The following DMXL1 variants were observed in gnomAD, a reference collection of about 807,000 sequenced individuals.
DMXL1 encodes the protein dmX-like protein 1.
Under a neutral mutation model 319.2 loss-of-function variants are expected in DMXL1, and 99 were observed. That is an observed-to-expected ratio of 0.31 (90% confidence interval 0.26 to 0.37). DMXL1 has a LOEUF of 0.37. Among genes scored for constraint, DMXL1 ranks in the 10% least tolerant of loss-of-function variants. The pLI, the probability that DMXL1 is intolerant of heterozygous loss-of-function variation, is 1.00. For synonymous variants in DMXL1, 1,385 were observed against 1,235.2 expected, an observed-to-expected ratio of 1.12 and a Z score of -2.54; for missense variants, 3,745 against 3,595.6, an observed-to-expected ratio of 1.04 and a Z score of -1.06.
At chr5:119,098,852 C>G (rs576380632) in intron 2 of DMXL1, among the ~76,000 whole-genome samples, 1 of 152,070 alleles carries the variant, frequency 6.6e-6, no homozygotes, top group African/African-American at 2.4e-5. Flanking sequence ...TCATATGATT[C>G]CACTAGAACA....
intron 4 of DMXL1, among the ~76,000 whole-genome samples, chr5:119,106,187 C>G (rs1274456268): frequency 6.6e-6 from 1 of 152,142 alleles, no homozygotes; most frequent in African/African-American, 2.4e-5. Flanking sequence ...CACATGGCCT[C>G]TTCTGTGGCC....
chr5:119,224,486 A>G (rs1469681494), intron 37 of DMXL1, among the ~76,000 whole-genome samples: 2 of 152,028 alleles, frequency 1.3e-5, no homozygotes, highest in Non-Finnish European at 2.9e-5. Context: ...TCTTGAAAGG[A>G]ATTTATCTTT....
intron 1 of DMXL1, among the ~76,000 whole-genome samples, chr5:119,077,634 C>CTTTTT (rs1051388359): frequency 1.4e-5 from 1 of 70,718 alleles, no homozygotes; most frequent in Admixed American, 1.4e-4. Flanking sequence ...CCATTCCTGG[C>CTTTTT]TTTTTTTTTT....
In DMXL1 at chr5:119,133,059, A is replaced by G. The variant is rs1488273581; in HGVS notation, c.1316-73A>G. On this transcript the variant is annotated intron_variant, in intron 10 of 43. Coordinates refer to ENST00000539542, the MANE Select transcript of DMXL1 (RefSeq NM_001290321.3). Reference sequence around the variant, plus strand: ...GATCTCCATGTGTTCAGCTATCCAGAAGCTCGGTAATTCTTAATTTATAGT... The same window carrying G: ...GATCTCCATGTGTTCAGCTATCCAGGAGCTCGGTAATTCTTAATTTATAGT... The G allele has an allele frequency of 4.6e-6, 7 of 1,536,418 alleles. No individual in the cohort carries two copies. The East Asian group carries it at 1.6e-4, about 35-fold the overall frequency.
chr5:119,187,844 G>T (rs1173345453), intron 28 of DMXL1, among the ~76,000 whole-genome samples: 5 of 152,102 alleles, frequency 3.3e-5, no homozygotes, highest in Non-Finnish European at 1.5e-5. Flanking sequence ...TGTATTTTTA[G>T]TAAAGGCAGG....
chr5:119,110,730 A>G (rs1759388278), intron 5 of DMXL1, among the ~76,000 whole-genome samples: 1 of 152,258 alleles, frequency 6.6e-6, no homozygotes, highest in Admixed American at 6.5e-5. Context: ...TTCTGAAAGA[A>G]AAGAAGAATG....
At chr5:119,075,800 A>C (rs35818538) in intron 1 of DMXL1, among the ~76,000 whole-genome samples, 1 of 151,708 alleles carries the variant, frequency 6.6e-6, no homozygotes, top group Non-Finnish European at 1.5e-5. Context: ...CCTGGGCTCA[A>C]GTGATCCTCC....
chr5:119,119,733 A>G (rs1761622204), intron 8 of DMXL1, among the ~76,000 whole-genome samples: 1 of 151,808 alleles, frequency 6.6e-6, no homozygotes, highest in South Asian at 2.1e-4. Context: ...CTGGTCTCGA[A>G]CTCTTGACCT....
At chr5:119,205,401 G>A (rs1781570324) in intron 33 of DMXL1, among the ~76,000 whole-genome samples, 2 of 152,066 alleles carry the variant, frequency 1.3e-5, no homozygotes. Context: ...GTTATTCTTT[G>A]GAGTTTCATG....
intron 30 of DMXL1, among the ~76,000 whole-genome samples, chr5:119,194,423 T>C (rs1398880712): frequency 6.6e-6 from 1 of 152,240 alleles, no homozygotes; most frequent in African/African-American, 2.4e-5. Flanking sequence ...GTCATACACA[T>C]GTTCTAAATG....
rs146990831 is a variant in DMXL1 at position 119,083,014 on chromosome 5, T to G, written c.87+11358T>G. On this transcript the variant is annotated intron_variant, in intron 1 of 43. Transcript: ENST00000539542. ...CTTAGAATGACCTCCAGTTCCATCCTTTTTATTGTTTGTTTGTTTGTTTTG... is the reference window on the plus strand; with the variant it reads ...CTTAGAATGACCTCCAGTTCCATCCGTTTTATTGTTTGTTTGTTTGTTTTG... Among the ~76,000 whole-genome samples the G allele has an allele frequency of 4.2e-3, 642 of 152,194 alleles. 4 individuals are homozygous for G. The highest frequency in any genetic ancestry group is 0.015 in the African/African-American group (629 of 41,540).
chr5:119,147,528 T>G, intron 17 of DMXL1, 58 bp downstream of exon 17: 1 of 1,216,736 alleles, frequency 8.2e-7, no homozygotes, highest in Non-Finnish European at 1.2e-6. Flanking sequence ...TTACCAGGTA[T>G]TTAAAAATAG....
intron 18 of DMXL1, among the ~76,000 whole-genome samples, chr5:119,151,359 A>G (rs1769751569): frequency 6.6e-6 from 1 of 152,196 alleles, no homozygotes; most frequent in South Asian, 2.1e-4. Context: ...TGAAAGGAAA[A>G]TATAGGGTAA....
rs1296901913 is a variant in DMXL1 at position 119,221,075 on chromosome 5, A to G, written c.8271A>G (p.Ala2757=). 6.2e-7 allele frequency: 1 copy of G among 1,605,734 alleles called. No individual in the cohort carries two copies. The highest frequency in any genetic ancestry group is 1.7e-5 in the Admixed American group (1 of 58,280). ...GTAGTACACAGACTGGCAGAGGAGC[A>G]TCTGTGGTATGTAAAGTTAAAAATA... ...WLGSTQTGRG[A]SVMIKKAINN... Residue 2757 remains alanine, a synonymous_variant, in exon 37 of 44, where the codon GCA becomes GCG. Coordinates refer to ENST00000539542, the MANE Select transcript of DMXL1 (RefSeq NM_001290321.3).
intron 9 of DMXL1, among the ~76,000 whole-genome samples, chr5:119,125,214 C>G (rs937680296): frequency 6.6e-6 from 1 of 152,096 alleles, no homozygotes; most frequent in Admixed American, 6.5e-5. Context: ...TAGCTAAATA[C>G]AGAATGGTGA....
chr5:119,112,517 C>G (rs80077798), intron 5 of DMXL1, among the ~76,000 whole-genome samples: 4,168 of 152,238 alleles, frequency 0.027, 215 homozygotes, highest in African/African-American at 0.095. Context: ...GCATAAATAT[C>G]ACATACCAAA....
intron 25 of DMXL1, among the ~76,000 whole-genome samples, chr5:119,175,038 T>C (rs954825043): frequency 6.6e-6 from 1 of 152,196 alleles, no homozygotes; most frequent in Non-Finnish European, 1.5e-5. Context: ...AAATGTGTGT[T>C]TTATAATTTC....
chr5:119,135,412 A>G (rs930347710), intron 13 of DMXL1, among the ~76,000 whole-genome samples: 2 of 152,236 alleles, frequency 1.3e-5, no homozygotes, highest in South Asian at 2.1e-4. Context: ...CTATTTGATT[A>G]AAGATCTGAA....
intron 1 of DMXL1, among the ~76,000 whole-genome samples, chr5:119,093,000 G>C (rs944797093): frequency 2.6e-5 from 4 of 151,996 alleles, no homozygotes; most frequent in Non-Finnish European, 5.9e-5. Flanking sequence ...CAGTTTTCTT[G>C]AATACAGGCA....
Sources: allele counts gnomAD v4.1 joint callset (sites outside exome capture counted in the v4.1 genomes callset), GRCh38; gene constraint gnomAD v4.1.1; transcripts MANE v1.5; gene names NCBI Gene and HGNC (gene_info 2026-07-23, HGNC 2026-07-21).